The following CAST variants were observed in gnomAD, a reference collection of about 807,000 sequenced individuals.
The protein encoded by CAST is calpastatin.
A neutral mutation model predicts 119.6 loss-of-function variants in CAST; 76 were observed. The ratio of observed to expected loss-of-function variants is 0.64; its 90% CI spans 0.53 to 0.77. CAST has a LOEUF of 0.77. CAST is among the 30% of genes least tolerant of loss of function. CAST has a pLI of 0.00. For missense variants in CAST, 953 were observed against 946.5 expected (o/e 1.01, Z -0.09); for synonymous variants, 319 against 331.6 (o/e 0.96, Z 0.41).
At chr5:96,668,715 C>A (rs1354737241) in intron 1 of CAST, among the ~76,000 whole-genome samples, 3 of 152,074 alleles carry the variant, frequency 2.0e-5, no homozygotes, top group African/African-American at 7.2e-5. Flanking sequence ...GCTGTTTCTG[C>A]CCTATCAGAG....
the CAST span, among the ~76,000 whole-genome samples, chr5:96,048,868 G>A: frequency 6.6e-6 from 1 of 152,168 alleles, no homozygotes; most frequent in African/African-American, 2.4e-5. Context: ...GTATCCAATG[G>A]AAGGGGTGAA....
chr5:96,281,386 A>G, the CAST span, among the ~76,000 whole-genome samples: 1 of 152,206 alleles, frequency 6.6e-6, no homozygotes, highest in East Asian at 1.9e-4. Flanking sequence ...CTTCATGCTC[A>G]GGCAGTGTCT....
At chr5:96,599,973 A>C (rs375700913) in intron 1 of CAST, among the ~76,000 whole-genome samples, 6 of 90,084 alleles carry the variant, frequency 6.7e-5, no homozygotes, top group Non-Finnish European at 1.6e-4. Context: ...AGGCAAAAAA[A>C]AAAAAAAAAA....
chr5:96,587,870 A>G (rs1293227449), intron 1 of CAST, among the ~76,000 whole-genome samples: 2 of 152,184 alleles, frequency 1.3e-5, no homozygotes, highest in East Asian at 3.9e-4. Flanking sequence ...ACTGTTTCAG[A>G]GAGCTTCTAT....
the CAST span, among the ~76,000 whole-genome samples, chr5:96,171,025 C>A: frequency 6.6e-6 from 1 of 151,878 alleles, no homozygotes; most frequent in Non-Finnish European, 1.5e-5. Flanking sequence ...GGAGACTCCG[C>A]GACGCTTGGG....
intron 1 of CAST, among the ~76,000 whole-genome samples, chr5:96,593,566 C>T (rs1747001405): frequency 6.6e-6 from 1 of 152,192 alleles, no homozygotes; most frequent in Non-Finnish European, 1.5e-5. Flanking sequence ...AGAAGAGATA[C>T]ATGCAATATG....
At chr5:96,617,277 A>G (rs1349698103) in intron 1 of CAST, among the ~76,000 whole-genome samples, 1 of 152,070 alleles carries the variant, frequency 6.6e-6, no homozygotes, top group Non-Finnish European at 1.5e-5. Flanking sequence ...GGTAGGGTTC[A>G]TTTATCCCCC....
At chr5:96,752,025 TAGAGTGTAATAAAGGTC>T (rs1765175734) in intron 20 of CAST, among the ~76,000 whole-genome samples, 1 of 152,024 alleles carries the variant, frequency 6.6e-6, no homozygotes, top group South Asian at 2.1e-4. Context: ...AGAATAGCTG[TAGAGTGTAATAAAGGTC>T]AGAGGACTCA....
chr5:96,704,982 A>G (rs914613447), intron 3 of CAST, among the ~76,000 whole-genome samples: 4 of 152,204 alleles, frequency 2.6e-5, no homozygotes, highest in Non-Finnish European at 5.9e-5. Context: ...ATTTAAATGA[A>G]CTTTGGTTGG....
At chr5:96,399,903 G>C in the CAST span, 1 of 1,396,736 alleles carries the variant, frequency 7.2e-7, no homozygotes, top group Non-Finnish European at 1.0e-6. Context: ...ACATAGTAAT[G>C]AAATTATGCC....
intron 1 of CAST, among the ~76,000 whole-genome samples, chr5:96,616,793 CACAT>C (rs1226370690): frequency 9.9e-5 from 14 of 141,050 alleles, no homozygotes; most frequent in South Asian, 4.5e-4. Flanking sequence ...CACACACACA[CACAT>C]ATACATATAC....
the CAST span, among the ~76,000 whole-genome samples, chr5:96,438,777 T>C: frequency 1.4e-4 from 21 of 152,172 alleles, no homozygotes; most frequent in Non-Finnish European, 2.6e-4. Context: ...AAAAATAATA[T>C]TTCGGTGTAA....
chr5:96,415,980 G>A, the CAST span: 38 of 1,089,626 alleles, frequency 3.5e-5, no homozygotes, highest in Non-Finnish European at 5.1e-5. Flanking sequence ...TACAATGGGT[G>A]ATGTAAGCTT....
chr5:96,440,526 T>C, the CAST span, among the ~76,000 whole-genome samples: 3 of 151,826 alleles, frequency 2.0e-5, no homozygotes. Context: ...GTAGCAAAAG[T>C]TTTTTCTAAG....
At chr5:96,769,100 C>G (rs898954979) in intron 29 of CAST, 1 of 152,178 alleles carries the variant, frequency 6.6e-6, no homozygotes, top group Non-Finnish European at 1.5e-5. Flanking sequence ...TAGAAGGAAA[C>G]GTGAAATGAG....
chr5:96,670,062 G>T (rs1749864621), intron 1 of CAST, among the ~76,000 whole-genome samples: 1 of 152,188 alleles, frequency 6.6e-6, no homozygotes, highest in South Asian at 2.1e-4. Flanking sequence ...CCTGGTAGAA[G>T]CCTTTCTCAG....
chr5:96,387,725 G>A, the CAST span, among the ~76,000 whole-genome samples: 1 of 152,146 alleles, frequency 6.6e-6, no homozygotes, highest in Non-Finnish European at 1.5e-5. Flanking sequence ...CCAAGAATGA[G>A]TTTTGAGCTG....
the CAST span, among the ~76,000 whole-genome samples, chr5:96,042,556 G>A: frequency 1.4e-3 from 211 of 152,240 alleles, no homozygotes; most frequent in African/African-American, 4.8e-3. Context: ...GTAAGTGTTC[G>A]ATATGATTAA....
chr5:96,422,576 A>T, the CAST span, among the ~76,000 whole-genome samples: 4 of 152,120 alleles, frequency 2.6e-5, no homozygotes, highest in African/African-American at 9.7e-5. Context: ...CTTTCCGTAT[A>T]TTTCAATCAT....
Sources: allele counts gnomAD v4.1 joint callset (sites outside exome capture counted in the v4.1 genomes callset), GRCh38; gene constraint gnomAD v4.1.1; transcripts MANE v1.5; gene names NCBI Gene and HGNC (gene_info 2026-07-23, HGNC 2026-07-21).